Variants in MEIKIN observed in about 807,000 individuals in gnomAD.
The protein encoded by MEIKIN is meiotic kinetochore factor.
chr5:131,809,904 T>C (rs765649861), intron 12 of MEIKIN, among the ~76,000 whole-genome samples: 6 of 151,890 alleles, frequency 4.0e-5, no homozygotes, highest in Non-Finnish European at 1.5e-5. Flanking sequence ...ACCTAACCTA[T>C]AGAAACAAAT....
intron 8 of MEIKIN, among the ~76,000 whole-genome samples, chr5:131,883,206 T>C (rs1229212801): frequency 2.6e-5 from 4 of 152,184 alleles, no homozygotes; most frequent in African/African-American, 9.7e-5. Flanking sequence ...GCCTCTAAAA[T>C]ATCCAAGAGG....
chr5:131,889,126 G>C (rs1750859777), intron 8 of MEIKIN, among the ~76,000 whole-genome samples: 1 of 152,178 alleles, frequency 6.6e-6, no homozygotes, highest in Non-Finnish European at 1.5e-5. Context: ...TTGTAGTATA[G>C]TTTGGAGTTA....
intron 9 of MEIKIN, among the ~76,000 whole-genome samples, chr5:131,855,078 T>C (rs1284758780): frequency 1.3e-5 from 2 of 152,184 alleles, no homozygotes; most frequent in African/African-American, 4.8e-5. Context: ...AATACCTTGG[T>C]TGAAATGAAT....
chr5:131,937,755 G>C (rs1363705193), intron 4 of MEIKIN, among the ~76,000 whole-genome samples: 1 of 151,986 alleles, frequency 6.6e-6, no homozygotes, highest in African/African-American at 2.4e-5. Context: ...CAATGCCATT[G>C]ATATTCTTGA....
chr5:131,892,833 C>A (rs1333551522), intron 8 of MEIKIN, among the ~76,000 whole-genome samples: 2 of 152,080 alleles, frequency 1.3e-5, no homozygotes, highest in Non-Finnish European at 2.9e-5. Flanking sequence ...GTTTTTTCCC[C>A]ATCTTTGTGG....
At chr5:131,875,033 TATC>T (rs36184802) in intron 9 of MEIKIN, among the ~76,000 whole-genome samples, 36,905 of 151,728 alleles carry the variant, frequency 0.24, 5,769 homozygotes, top group Non-Finnish European at 0.37. Context: ...CCACAGCCAA[TATC>T]ATACTGAATG....
chr5:131,888,395 C>T (rs775723653), intron 8 of MEIKIN, among the ~76,000 whole-genome samples: 2,819 of 151,452 alleles, frequency 0.019, 34 homozygotes, highest in Non-Finnish European at 0.025. Context: ...TTTTAATGAT[C>T]GCCATTCTAA....
chr5:131,889,874 G>T, intron 8 of MEIKIN, among the ~76,000 whole-genome samples: 1 of 152,160 alleles, frequency 6.6e-6, no homozygotes, highest in East Asian at 1.9e-4. Context: ...TTATTATTTT[G>T]AGATACGTCC....
At chr5:131,812,222 G>A (rs991861816) in intron 12 of MEIKIN, among the ~76,000 whole-genome samples, 7 of 152,182 alleles carry the variant, frequency 4.6e-5, no homozygotes, top group Non-Finnish European at 1.0e-4. Context: ...CATGTAATAT[G>A]TAACAGTTGC....
At chr5:131,815,343 T>C (rs1240748838) in intron 12 of MEIKIN, among the ~76,000 whole-genome samples, 1 of 152,208 alleles carries the variant, frequency 6.6e-6, no homozygotes, top group Non-Finnish European at 1.5e-5. Flanking sequence ...GGGCTATATA[T>C]ATGCTCTGAA....
intron 12 of MEIKIN, among the ~76,000 whole-genome samples, chr5:131,817,477 G>A (rs1008800729): frequency 2.0e-5 from 3 of 151,890 alleles, no homozygotes; most frequent in Non-Finnish European, 4.4e-5. Context: ...TTAGCCGGGC[G>A]TGGTGGCGGG....
chr5:131,898,568 C>T (rs924322106), intron 8 of MEIKIN, among the ~76,000 whole-genome samples: 2 of 152,230 alleles, frequency 1.3e-5, no homozygotes, highest in Non-Finnish European at 2.9e-5. Flanking sequence ...TGCTGAGCTG[C>T]GGTGGGCTCT....
intron 11 of MEIKIN, among the ~76,000 whole-genome samples, chr5:131,828,842 A>G (rs998273641): frequency 7.9e-5 from 12 of 152,326 alleles, no homozygotes; most frequent in African/African-American, 2.6e-4. Context: ...CAGAATTTCT[A>G]AAATCCACAT....
intron 8 of MEIKIN, among the ~76,000 whole-genome samples, chr5:131,887,995 T>C (rs1338033105): frequency 7.1e-6 from 1 of 140,634 alleles, no homozygotes; most frequent in Non-Finnish European, 1.5e-5. Flanking sequence ...TTGCTGAGAA[T>C]GATGGTTTCC....
At chr5:131,816,208 C>G (rs1474057708) in intron 12 of MEIKIN, among the ~76,000 whole-genome samples, 1 of 152,122 alleles carries the variant, frequency 6.6e-6, no homozygotes, top group Non-Finnish European at 1.5e-5. Flanking sequence ...TAAGGAGATG[C>G]AAATGGATGC....
At position 131,887,518 on chromosome 5, in the gene MEIKIN, T is replaced by C. The variant is rs554001834; in HGVS notation, c.704-8470A>G. Among the ~76,000 whole-genome samples, 157 of 152,290 alleles carry C rather than the reference T, an allele frequency of 1.0e-3. 1 individual carries two copies. Among genetic ancestry groups the C allele is most frequent in the African/African-American group, 3.6e-3 (150 of 41,560 alleles). ...CATCTGTTGTTTCCTGACTTTTTCA[T>C]GATCACCATTCTAACTGGTGTGAGA... On this transcript the variant is annotated intron_variant, in intron 8 of 12. Transcript: ENST00000442687.
chr5:131,931,217 G>A (rs1751684494), intron 5 of MEIKIN, among the ~76,000 whole-genome samples: 1 of 152,186 alleles, frequency 6.6e-6, no homozygotes, highest in Non-Finnish European at 1.5e-5. Context: ...GTCAGATCTT[G>A]TCAACATTGT....
chr5:131,864,108 A>G (rs954977706), intron 9 of MEIKIN, among the ~76,000 whole-genome samples: 17 of 152,150 alleles, frequency 1.1e-4, no homozygotes, highest in African/African-American at 3.9e-4. Flanking sequence ...ATGTTTTTTT[A>G]ATCATTCAGC....
At chr5:131,826,431 C>T (rs7734536) in intron 11 of MEIKIN, among the ~76,000 whole-genome samples, 119,151 of 152,060 alleles carry the variant, frequency 0.78, 46,915 homozygotes, top group African/African-American at 0.83. Flanking sequence ...TGGGAGTGGA[C>T]GATTGAACTT....
Sources: allele counts gnomAD v4.1 joint callset (sites outside exome capture counted in the v4.1 genomes callset), GRCh38; gene constraint gnomAD v4.1.1; transcripts MANE v1.5; gene names NCBI Gene and HGNC (gene_info 2026-07-23, HGNC 2026-07-21).